The following SLC29A1 variants were observed in gnomAD, a reference collection of about 807,000 sequenced individuals.
SLC29A1 encodes solute carrier family 29 member 1 (Augustine blood group), also known as equilibrative nucleoside transporter 1.
SLC29A1 carries 22 observed loss-of-function variants against 48.3 expected under a neutral mutation model. That is an observed-to-expected ratio of 0.46 (90% CI 0.33 to 0.65). The LOEUF (loss-of-function observed/expected upper bound fraction) is 0.65, where lower values mean the gene tolerates loss of function less well. Among genes scored for constraint, SLC29A1 ranks in the 30% least tolerant of loss-of-function variants. SLC29A1 has a pLI of 0.03. For synonymous variants in SLC29A1, 228 were observed against 231.0 expected (o/e 0.99, Z 0.12); for missense variants, 491 against 575.3 (o/e 0.85, Z 1.50).
chr6:44,230,742 C>A, intron 7 of SLC29A1, 69 bp from the exon 8 acceptor site: 2 of 1,579,046 alleles, frequency 1.3e-6, no homozygotes, highest in Non-Finnish European at 1.7e-6. Context: ...GAGGACAAAA[C>A]CTGAAGGAGG....
rs1293222290 is a variant in SLC29A1, at chr6:44,232,284, T to C, written c.974-59T>C. On this transcript the variant is annotated intron_variant, in intron 10 of 12. Coordinates refer to ENST00000371755, the MANE Select transcript of SLC29A1 (RefSeq NM_001372327.1). This position sits in a 1 kb window ranked among gnomAD's most constrained non-coding sequence, Gnocchi z 4.7. Reference sequence around the variant, plus strand: ...GGGGAAGCTGAGGCCCAGTGAAGGTTAGGCTTGCTATACCTGCCTCTGTGA... The same window carrying C: ...GGGGAAGCTGAGGCCCAGTGAAGGTCAGGCTTGCTATACCTGCCTCTGTGA... The C allele has an allele frequency of 3.8e-6, 5 of 1,310,522 alleles. No individual in the cohort carries two copies. The East Asian group carries it at 9.2e-5, about 24-fold the overall frequency. The allele number at this position is 1,310,522 out of a possible 1,614,324, so 81.2% of individuals were successfully genotyped here. A position where few individuals can be genotyped will look rare whatever the true frequency, so the allele number is the denominator to read the frequency against.
upstream of SLC29A1, chr6:44,219,904 C>T (rs1012007983): frequency 1.7e-6 from 1 of 574,632 alleles, no homozygotes; most frequent in Non-Finnish European, 2.6e-6. Context: ...GCTACAGTGT[C>T]TCAGGGGAGT....
chr6:44,227,946 C>G (rs1777941352), intron 2 of SLC29A1, among the ~76,000 whole-genome samples: 1 of 152,216 alleles, frequency 6.6e-6, no homozygotes, highest in Admixed American at 6.5e-5. Context: ...ACTCAGGCCC[C>G]AGAAACCCAT....
chr6:44,229,435 G>C lies in SLC29A1; in HGVS notation c.75G>C (p.Thr25=). 1 of 1,614,118 alleles carries C rather than the reference G, an allele frequency of 6.2e-7. No homozygotes were observed. The highest frequency in any genetic ancestry group is 8.5e-7 in the Non-Finnish European group (1 of 1,180,012). The change falls in exon 3 of 13, where the codon ACG becomes ACC. Residue 25 remains threonine (T), a synonymous_variant. Coordinates refer to ENST00000371755, the MANE Select transcript of SLC29A1 (RefSeq NM_001372327.1). This position sits in a 1 kb window ranked among gnomAD's most constrained non-coding sequence, Gnocchi z 5.1. ...WLIFFMLGLG[T]LLPWNFFMTA... is the part of the protein sequence containing the mutation. ...TCTTCTTCATGCTGGGTCTGGGAAC[G>C]CTGCTCCCGTGGAATTTTTTCATGA...
At chr6:44,223,534 G>T, upstream of SLC29A1, 1 of 1,166,784 alleles carries the variant, frequency 8.6e-7, no homozygotes, top group Non-Finnish European at 1.1e-6. This position sits in a 1 kb window ranked among gnomAD's most constrained non-coding sequence, Gnocchi z 5.0. Context: ...AGTGGGCGCA[G>T]GGCGGGGCGA....
At chr6:44,223,064 G>C (rs1018795570), upstream of SLC29A1, among the ~76,000 whole-genome samples, 9 of 152,144 alleles carry the variant, frequency 5.9e-5, no homozygotes, top group African/African-American at 1.9e-4. This position sits in a 1 kb window ranked among gnomAD's most constrained non-coding sequence, Gnocchi z 5.0. Flanking sequence ...TGCGCGGTGG[G>C]GACAGAAGCA....
In SLC29A1 at chr6:44,230,916, T is replaced by C. The variant is rs746071283; in HGVS notation, c.766+27T>C. On this transcript the variant is annotated intron_variant, in intron 8 of 12. Coordinates refer to ENST00000371755, the MANE Select transcript of SLC29A1 (RefSeq NM_001372327.1). ...TCCGAAGAGCCTGAGGAAGCTGGGG[T>C]GGAGGATGGTATACCAGGCGGGGGA... The C allele has an allele frequency of 1.9e-6, 3 of 1,565,990 alleles. No individual in the cohort carries two copies. In the Admixed American group the frequency reaches 5.0e-5, roughly 26 times the overall value.
In SLC29A1 at chr6:44,230,562, C is replaced by T. The variant is rs750527387; in HGVS notation, c.590-6C>T. The T allele has an allele frequency of 1.2e-6, 2 of 1,613,844 alleles. No individual in the cohort carries two copies. The highest frequency in any genetic ancestry group is 1.3e-5 in the African/African-American group (1 of 74,920). ...GGCCTGTCTCTGATCACTGACACCA[C>T]CCCAGGTGGCTCGGAGCTATCAGAA... is the stretch of plus-strand genomic sequence containing the variant. On this transcript the variant is annotated splice_region_variant and splice_polypyrimidine_tract_variant and intron_variant, in intron 6 of 12. Transcript: ENST00000371755.
chr6:44,226,646 A>G, intron 1 of SLC29A1: 1 of 678,852 alleles, frequency 1.5e-6, no homozygotes, highest in Non-Finnish European at 1.8e-6. Context: ...GGTTGCCTTC[A>G]GGAGAGGACA....
At chr6:44,230,737 C>A (rs1353365836) in intron 7 of SLC29A1, 72 bp downstream of exon 7, 3 of 1,577,610 alleles carry the variant, frequency 1.9e-6, no homozygotes, top group Admixed American at 3.3e-5. Context: ...GTTCTGAGGA[C>A]AAAACCTGAA....
chr6:44,226,859 T>G (rs1777651372), intron 1 of SLC29A1: 1 of 1,026,232 alleles, frequency 9.7e-7, no homozygotes, highest in Admixed American at 5.1e-5. Flanking sequence ...CCTCCTTCCC[T>G]TGTCATCACT....
At chr6:44,227,398 G>T in intron 2 of SLC29A1, 56 bp downstream of exon 2, 1 of 1,488,208 alleles carries the variant, frequency 6.7e-7, no homozygotes, top group African/African-American at 1.4e-5. Context: ...AGGGAGCTGG[G>T]TGTGGTGTCC....
At chr6:44,223,589 A>G, upstream of SLC29A1, 2 of 1,211,224 alleles carry the variant, frequency 1.7e-6, no homozygotes, top group South Asian at 1.4e-5. This position sits in a 1 kb window ranked among gnomAD's most constrained non-coding sequence, Gnocchi z 5.0. Flanking sequence ...GGGAGAGGGA[A>G]GCTGCAGCGA....
Position 44,233,001 on chromosome 6 carries a change from GC to G in SLC29A1, c.1257del (p.Lys420ArgfsTer3). 1.2e-6 allele frequency: 2 copies of G among 1,612,302 alleles called. No individual in the cohort carries two copies. On this transcript the variant is annotated frameshift_variant, in exon 12 of 13. Coordinates refer to ENST00000371755, the MANE Select transcript of SLC29A1 (RefSeq NM_001372327.1). LOFTEE classifies it high-confidence loss of function. ...TCGCCAGCCTCTGCATGTGCTTCGG[GC>G]CCAAGTGAGTAGGGCTGGCAGGGAA... is the stretch of plus-strand genomic sequence containing the variant. ...YLASLCMCFG[P>X]KKVKPAEAET...
intron 7 of SLC29A1, 54 bp downstream of exon 7, chr6:44,230,719 C>A: frequency 6.5e-7 from 1 of 1,543,046 alleles, no homozygotes; most frequent in Non-Finnish European, 9.0e-7. Context: ...GGGTTCCAGA[C>A]CACGGGTGTT....
Position 44,232,466 on chromosome 6 carries a change from G to C in SLC29A1, c.1059+38G>C, listed in dbSNP as rs150258339. 24 of 1,394,692 alleles carry C rather than the reference G, an allele frequency of 1.7e-5. No homozygotes were observed. The Admixed American group carries it at 2.7e-4, about 15-fold the overall frequency. The allele number at this position is 1,394,692 out of a possible 1,614,324, so 86.4% of individuals were successfully genotyped here. On this transcript the variant is annotated intron_variant, in intron 11 of 12. Coordinates refer to ENST00000371755, the MANE Select transcript of SLC29A1 (RefSeq NM_001372327.1). The surrounding 1 kb of genome is among the most constrained non-coding windows in gnomAD (Gnocchi z 4.7). Reference sequence around the variant, plus strand: ...AGAGGGCCCCAGGCCCCTGTGGGAAGTAAGAGTCCAGCCTGGACCCAGAGA... The same window carrying C: ...AGAGGGCCCCAGGCCCCTGTGGGAACTAAGAGTCCAGCCTGGACCCAGAGA...
At position 44,232,940 on chromosome 6, in the gene SLC29A1, T is replaced by C. The variant is rs1373624591; in HGVS notation, c.1193T>C (p.Phe398Ser). The C allele has an allele frequency of 6.2e-7, 1 of 1,614,156 alleles. No individual in the cohort carries two copies. Among genetic ancestry groups the C allele is most frequent in the Non-Finnish European group, 8.5e-7 (1 of 1,180,040 alleles). The change falls in exon 12 of 13, where the codon TTC becomes TCC. Residue 398 changes from phenylalanine (F) to serine (S), a missense_variant. Coordinates refer to ENST00000371755, the MANE Select transcript of SLC29A1 (RefSeq NM_001372327.1). This position sits in a 1 kb window ranked among gnomAD's most constrained non-coding sequence, Gnocchi z 4.7. Reference sequence around the variant, plus strand: ...TTCGAGCACGATGCCTGGTTCATCTTCTTCATGGCTGCCTTTGCCTTCTCC... The same window carrying C: ...TTCGAGCACGATGCCTGGTTCATCTCCTTCATGGCTGCCTTTGCCTTCTCC... ...VVFEHDAWFI[F>S]FMAAFAFSNG...
chr6:44,227,066 G>T (rs115781628), intron 1 of SLC29A1, 197 bp from the exon 2 acceptor site: 17 of 1,385,994 alleles, frequency 1.2e-5, no homozygotes, highest in African/African-American at 1.5e-5. Context: ...CAGGGGGGCC[G>T]CGCAGGACTG....
Position 44,232,517 on chromosome 6 carries a change from A to G in SLC29A1, c.1059+89A>G. On this transcript the variant is annotated intron_variant, in intron 11 of 12. Transcript: ENST00000371755. This position sits in a 1 kb window ranked among gnomAD's most constrained non-coding sequence, Gnocchi z 4.7. ...GGGAACCCAAGAAAGTATGGTAGTA[A>G]GGGGACCATTTGTTTTAAAGTCGAG... 1.2e-6 allele frequency: 1 copy of G among 858,886 alleles called. No individual in the cohort carries two copies. Among genetic ancestry groups the G allele is most frequent in the Non-Finnish European group, 1.9e-6 (1 of 520,784 alleles). The allele number at this position is 858,886 out of a possible 1,614,324, so 53.2% of individuals were successfully genotyped here. A position where few individuals can be genotyped will look rare whatever the true frequency, so the allele number is the denominator to read the frequency against.
Sources: allele counts gnomAD v4.1 joint callset (sites outside exome capture counted in the v4.1 genomes callset), GRCh38; gene constraint gnomAD v4.1.1; non-coding constraint Gnocchi (gnomAD v3.1); transcripts MANE v1.5; gene names NCBI Gene and HGNC (gene_info 2026-07-23, HGNC 2026-07-21).